SCYL2: variants seen among roughly 807,000 people sequenced by gnomAD.
The protein encoded by SCYL2 is SCY1 like pseudokinase 2.
SCYL2 carries 36 observed loss-of-function variants against 100.4 expected under a neutral mutation model. The observed-to-expected ratio is 0.36, with a 90% CI of 0.27 to 0.47. The LOEUF is 0.47. SCYL2 is among the 20% of genes least tolerant of loss of function. The pLI is 1.00. For missense variants in SCYL2, 902 were observed against 1,083.9 expected, an observed-to-expected ratio of 0.83 and a Z score of 2.36; for synonymous variants, 330 against 359.2, an observed-to-expected ratio of 0.92 and a Z score of 0.92.
In SCYL2 at chr12:100,338,625, C is replaced by T. The variant is rs1230335437; in HGVS notation, c.2243C>T (p.Ser748Phe). The change falls in exon 18 of 18, where the codon TCT (serine) becomes TTT (phenylalanine). Residue 748 changes from serine to phenylalanine, a missense_variant. Physicochemically the swap from Ser to Phe is radical, Grantham distance 155. Coordinates refer to ENST00000360820, the MANE Select transcript of SCYL2 (RefSeq NM_017988.6). ...PKSSASSTFT[S>F]VPSMGIGMMF... ...TCTTCTGCTTCAAGTACTTTCACTTCTGTTCCTTCCATGGGCATTGGTATG... is the reference window on the plus strand; with the variant it reads ...TCTTCTGCTTCAAGTACTTTCACTTTTGTTCCTTCCATGGGCATTGGTATG... 6.2e-7 allele frequency: 1 copy of T among 1,614,028 alleles called. No individual in the cohort carries two copies. The highest frequency in any genetic ancestry group is 8.5e-7 in the Non-Finnish European group (1 of 1,179,930).
chr12:100,269,557 A>G (rs1192724755), intron 1 of SCYL2, among the ~76,000 whole-genome samples: 2 of 152,178 alleles, frequency 1.3e-5, no homozygotes, highest in African/African-American at 4.8e-5. Flanking sequence ...CAAGAATTGT[A>G]CTAAACATTT....
At chr12:100,329,410 A>T in intron 13 of SCYL2, 91 bp downstream of exon 13, 1 of 636,722 alleles carries the variant, frequency 1.6e-6, no homozygotes. Context: ...TTGGTTAAAA[A>T]AAAAAGGGTG....
chr12:100,338,219 A>T (rs1305159723), intron 17 of SCYL2, among the ~76,000 whole-genome samples: 2 of 152,200 alleles, frequency 1.3e-5, no homozygotes, highest in Non-Finnish European at 2.9e-5. Flanking sequence ...ATAGTAAAAA[A>T]TTACTGTATT....
chr12:100,279,967 C>T (rs765404514), intron 1 of SCYL2, among the ~76,000 whole-genome samples: 12 of 152,214 alleles, frequency 7.9e-5, no homozygotes, highest in South Asian at 2.1e-4. Context: ...CATCTACCTC[C>T]GCATTCTTGA....
At chr12:100,318,424 G>A (rs1242048135) in intron 10 of SCYL2, among the ~76,000 whole-genome samples, 1 of 149,418 alleles carries the variant, frequency 6.7e-6, no homozygotes, top group African/African-American at 2.5e-5. Flanking sequence ...TCCGCCTCCT[G>A]GGTTCAAGCA....
At chr12:100,295,299 G>A (rs1202710544) in intron 3 of SCYL2, among the ~76,000 whole-genome samples, 67 of 152,062 alleles carry the variant, frequency 4.4e-4, no homozygotes, top group African/African-American at 9.4e-4. Context: ...ACGGGGTGGC[G>A]GCCGGGCAGA....
chr12:100,311,271 A>G lies in SCYL2; in HGVS notation c.630+78A>G, dbSNP rs1023700263. 7.7e-6 allele frequency: 11 copies of G among 1,429,776 alleles called. No individual in the cohort carries two copies. In the African/African-American group the frequency reaches 1.0e-4, roughly 13 times the overall value. 88.6% of individuals were successfully genotyped at this position (1,429,776 alleles called of 1,614,324 possible). A position where few individuals can be genotyped will look rare whatever the true frequency, so the allele number is the denominator to read the frequency against. On this transcript the variant is annotated intron_variant, in intron 5 of 17. Coordinates refer to ENST00000360820, the MANE Select transcript of SCYL2 (RefSeq NM_017988.6). ...ATCTGGAATGGACTAGAAATAGGCTATGTGGTACAGTGGTATGTTTAGATA... is the reference window on the plus strand; with the variant it reads ...ATCTGGAATGGACTAGAAATAGGCTGTGTGGTACAGTGGTATGTTTAGATA...
Position 100,267,188 on chromosome 12 carries a change from C to G in SCYL2, c.-633C>G. 8.5e-7 allele frequency: 1 copy of G among 1,180,696 alleles called. No individual in the cohort carries two copies. The highest frequency in any genetic ancestry group is 1.5e-5 in the South Asian group (1 of 68,836). 73.1% of individuals were successfully genotyped at this position (1,180,696 alleles called of 1,614,324 possible). The stretch of plus-strand genomic sequence containing the variant: ...CCGGCAGGTCTTTTAGTCTTTTTCC[C>G]CCTCCCTTACTCTTCGTCCCCGGTC... On this transcript the variant is annotated 5_prime_UTR_variant, in exon 1 of 18. Transcript: ENST00000360820.
chr12:100,290,492 A>G lies in SCYL2; in HGVS notation c.178-1011A>G, dbSNP rs187468913. On this transcript the variant is annotated intron_variant, in intron 2 of 17. Coordinates refer to ENST00000360820, the MANE Select transcript of SCYL2 (RefSeq NM_017988.6). ...ATTGGACTTTTTGCAGTGAATCTCT[A>G]TGAGATGGTTGAGTTGCCAGGCTAA... 4.0e-4 allele frequency among the ~76,000 whole-genome samples: 61 copies of G among 152,298 alleles called. No homozygotes were observed. The East Asian group carries it at 0.01, about 25-fold the overall frequency.
At chr12:100,302,327 C>T (rs1452650070) in intron 4 of SCYL2, among the ~76,000 whole-genome samples, 1 of 152,154 alleles carries the variant, frequency 6.6e-6, no homozygotes, top group Non-Finnish European at 1.5e-5. Flanking sequence ...AAGCCCAGCC[C>T]AGGACTAAGA....
rs754774995 is a variant in SCYL2 at position 100,334,149 on chromosome 12, A to G, written c.1762-17A>G. 1 of 1,399,078 alleles carries G rather than the reference A, an allele frequency of 7.1e-7. No homozygotes were observed. Among genetic ancestry groups the G allele is most frequent in the Admixed American group, 1.7e-5 (1 of 58,274 alleles). The allele number at this position is 1,399,078 out of a possible 1,614,324, so 86.7% of individuals were successfully genotyped here. The stretch of plus-strand genomic sequence containing the variant: ...AACTTGAAACATTGTAACCATATCA[A>G]TTTCTCATTATACCAGTTCAATTCT... On this transcript the variant is annotated splice_polypyrimidine_tract_variant and intron_variant, in intron 13 of 17. Transcript: ENST00000360820.
chr12:100,309,674 A>G (rs2096339729), intron 4 of SCYL2, among the ~76,000 whole-genome samples: 1 of 152,212 alleles, frequency 6.6e-6, no homozygotes, highest in South Asian at 2.1e-4. Context: ...GTGCCCAGTC[A>G]TCTGTCAATG....
intron 1 of SCYL2, among the ~76,000 whole-genome samples, chr12:100,279,865 T>C (rs1419682123): frequency 6.6e-6 from 1 of 152,230 alleles, no homozygotes; most frequent in Non-Finnish European, 1.5e-5. Context: ...TGCATAAGCA[T>C]GTGTGGGACC....
chr12:100,293,475 A>G (rs1460616544), intron 3 of SCYL2, among the ~76,000 whole-genome samples: 1 of 151,860 alleles, frequency 6.6e-6, no homozygotes, highest in Non-Finnish European at 1.5e-5. Flanking sequence ...AGTGTCACCT[A>G]TTAGAATCCT....
intron 1 of SCYL2, among the ~76,000 whole-genome samples, chr12:100,273,605 C>T (rs2096289731): frequency 1.3e-5 from 2 of 152,160 alleles, no homozygotes; most frequent in African/African-American, 4.8e-5. Context: ...GATAGCATCT[C>T]AAATTTGAAT....
chr12:100,269,377 A>G (rs1240397124), intron 1 of SCYL2, among the ~76,000 whole-genome samples: 2 of 151,996 alleles, frequency 1.3e-5, no homozygotes, highest in African/African-American at 4.8e-5. Flanking sequence ...TTCAGGGAAG[A>G]CTTTCCTGAT....
intron 3 of SCYL2, among the ~76,000 whole-genome samples, chr12:100,295,026 C>T (rs1390475172): frequency 6.0e-5 from 9 of 149,774 alleles, no homozygotes; most frequent in Admixed American, 1.3e-4. Context: ...GACGGGGTCG[C>T]GGCCGGGCAG....
At chr12:100,332,102 A>G (rs1000002371) in intron 13 of SCYL2, among the ~76,000 whole-genome samples, 3 of 152,214 alleles carry the variant, frequency 2.0e-5, no homozygotes, top group African/African-American at 7.2e-5. Flanking sequence ...TAGGGAAACC[A>G]GGCACAAGCT....
At chr12:100,318,577 G>A (rs1044030899) in intron 10 of SCYL2, among the ~76,000 whole-genome samples, 28 of 152,014 alleles carry the variant, frequency 1.8e-4, no homozygotes, top group African/African-American at 6.3e-4. Context: ...GGTGGTCCTC[G>A]TGCCTCAGCC....
Sources: gnomAD v4.1 joint callset for allele counts (sites outside exome capture counted in the v4.1 genomes callset) on GRCh38, gnomAD v4.1.1 for gene constraint, MANE v1.5 for transcripts, NCBI Gene and HGNC (gene_info 2026-07-23, HGNC 2026-07-21) for gene names.